Variants in WDPCP observed in about 807,000 individuals in gnomAD.
WDPCP encodes WD repeat containing planar cell polarity effector, also known as WD repeat-containing and planar cell polarity effector protein fritz homolog.
A neutral mutation model predicts 93.1 loss-of-function variants in WDPCP; 71 were observed. The ratio of observed to expected loss-of-function variants is 0.76; its 90% CI spans 0.63 to 0.93. The LOEUF is 0.93. Ranked by LOEUF, WDPCP falls within the 40% of genes least tolerant of loss-of-function variation. The pLI is 0.00. For missense variants in WDPCP, 844 were observed against 887.4 expected (o/e 0.95, Z 0.62); for synonymous variants, 315 against 315.0 (o/e 1.00, Z 0.00).
At chr2:63,695,795 G>A (rs1172450177) in intron 2 of WDPCP, among the ~76,000 whole-genome samples, 1 of 152,062 alleles carries the variant, frequency 6.6e-6, no homozygotes, top group East Asian at 1.9e-4. Context: ...CCAGCAACAT[G>A]GTTTCCCAGA....
chr2:63,510,049 GA>G (rs985909711), intron 1 of WDPCP, among the ~76,000 whole-genome samples: 5 of 146,160 alleles, frequency 3.4e-5, no homozygotes, highest in African/African-American at 7.5e-5. Flanking sequence ...CCAAACAACA[GA>G]AAAAAAAAGC....
chr2:63,501,901 C>T (rs1179084815), intron 1 of WDPCP, among the ~76,000 whole-genome samples: 1 of 152,198 alleles, frequency 6.6e-6, no homozygotes, highest in Non-Finnish European at 1.5e-5. Flanking sequence ...CAGGTGTGAG[C>T]CACCGTGCCT....
chr2:63,559,301 C>T (rs563212415), intron 1 of WDPCP, among the ~76,000 whole-genome samples: 1 of 152,198 alleles, frequency 6.6e-6, no homozygotes, highest in East Asian at 1.9e-4. Flanking sequence ...TTTATGACAA[C>T]CCACAGCCAA....
chr2:63,533,451 T>C (rs1042109128), intron 1 of WDPCP, among the ~76,000 whole-genome samples: 3 of 152,186 alleles, frequency 2.0e-5, no homozygotes, highest in Admixed American at 6.5e-5. Context: ...TTGACCCACA[T>C]AGTTGGAAGT....
At chr2:63,586,474 T>C (rs531014334) in intron 1 of WDPCP, among the ~76,000 whole-genome samples, 1 of 152,206 alleles carries the variant, frequency 6.6e-6, no homozygotes, top group Non-Finnish European at 1.5e-5. Context: ...CAATGACATA[T>C]TGTGCTACTT....
chr2:63,329,890 T>C (rs1297074118), intron 12 of WDPCP, among the ~76,000 whole-genome samples: 21 of 152,184 alleles, frequency 1.4e-4, no homozygotes. Flanking sequence ...GTCCTCTAGG[T>C]TCATTCACAT....
intron 15 of WDPCP, among the ~76,000 whole-genome samples, chr2:63,160,420 T>G (rs1200632838): frequency 1.3e-5 from 2 of 152,184 alleles, no homozygotes; most frequent in African/African-American, 4.8e-5. Context: ...TTGCTAAAAT[T>G]AGTTTCTGAA....
At chr2:63,134,768 G>A (rs1216973020) in intron 17 of WDPCP, among the ~76,000 whole-genome samples, 1 of 151,996 alleles carries the variant, frequency 6.6e-6, no homozygotes, top group East Asian at 1.9e-4. Flanking sequence ...TTTCTTCATT[G>A]TGGCTGAGTA....
rs74401821 is a variant in WDPCP at position 63,437,944 on chromosome 2, T to C, written c.500-390A>G. 3.5e-3 allele frequency: 5,376 copies of C among 1,537,260 alleles called. 175 individuals carry two copies. The African/African-American group carries it at 0.065, about 19-fold the overall frequency. On this transcript the variant is annotated intron_variant, in intron 7 of 17. Coordinates refer to ENST00000272321, the MANE Select transcript of WDPCP (RefSeq NM_015910.7). ...TTACATGATAGAAACCATCCGAGGA[T>C]AAAGTGGATTTATTAGGGGATACTG...
chr2:63,534,540 G>A (rs1236061278), intron 1 of WDPCP, among the ~76,000 whole-genome samples: 2 of 152,204 alleles, frequency 1.3e-5, no homozygotes, highest in African/African-American at 4.8e-5. Flanking sequence ...TCCCTGGGAT[G>A]CAAGACTGGT....
chr2:63,781,016 T>A (rs1670384119), intron 2 of WDPCP, among the ~76,000 whole-genome samples: 1 of 152,142 alleles, frequency 6.6e-6, no homozygotes. Context: ...ACAGTTAGAA[T>A]TGAGCCAACA....
intron 2 of WDPCP, among the ~76,000 whole-genome samples, chr2:63,721,690 T>C (rs1669416212): frequency 6.6e-6 from 1 of 151,418 alleles, no homozygotes; most frequent in South Asian, 2.1e-4. Context: ...GAATGCTCCC[T>C]GCCCTCCCGC....
chr2:63,211,623 G>A (rs199692892), intron 14 of WDPCP, among the ~76,000 whole-genome samples: 6 of 152,298 alleles, frequency 3.9e-5, no homozygotes, highest in South Asian at 2.1e-4. Context: ...TGACTTTGAC[G>A]AGTTGAGAGA....
chr2:63,707,659 G>A (rs569231997), intron 2 of WDPCP, among the ~76,000 whole-genome samples: 42 of 152,194 alleles, frequency 2.8e-4, no homozygotes, highest in Middle Eastern at 3.4e-3. Flanking sequence ...GCTTTGTTCC[G>A]TTGCTGGTGA....
chr2:63,734,297 A>T (rs914297348), intron 2 of WDPCP, among the ~76,000 whole-genome samples: 3 of 152,148 alleles, frequency 2.0e-5, no homozygotes, highest in Non-Finnish European at 4.4e-5. Context: ...TTGTATAAAA[A>T]TTGGCAAACA....
chr2:63,606,642 G>A (rs1419110854), intron 3 of WDPCP, among the ~76,000 whole-genome samples: 1 of 151,752 alleles, frequency 6.6e-6, no homozygotes, highest in Non-Finnish European at 1.5e-5. Flanking sequence ...CTGTGCTAAA[G>A]TCAGTCATTT....
intron 12 of WDPCP, among the ~76,000 whole-genome samples, chr2:63,322,599 G>A (rs982373324): frequency 2.6e-5 from 4 of 151,990 alleles, no homozygotes; most frequent in African/African-American, 7.3e-5. Context: ...TGAAGTCAGC[G>A]AGACCATGAA....
intron 3 of WDPCP, among the ~76,000 whole-genome samples, chr2:63,637,682 G>A (rs1709935956): frequency 6.6e-6 from 1 of 152,060 alleles, no homozygotes; most frequent in Non-Finnish European, 1.5e-5. Context: ...ACAGGAAAGG[G>A]TACTAAACAT....
intron 2 of WDPCP, among the ~76,000 whole-genome samples, chr2:63,728,780 C>T (rs1412181195): frequency 6.6e-6 from 1 of 152,110 alleles, no homozygotes; most frequent in Non-Finnish European, 1.5e-5. Context: ...TCTCTGAGTT[C>T]CACAGGGGTT....
Sources: allele counts gnomAD v4.1 joint callset (sites outside exome capture counted in the v4.1 genomes callset), GRCh38; gene constraint gnomAD v4.1.1; transcripts MANE v1.5; gene names NCBI Gene and HGNC (gene_info 2026-07-23, HGNC 2026-07-21).